Variants in LRRC4C observed in about 807,000 individuals in gnomAD.
LRRC4C encodes the protein leucine rich repeat containing 4C.
LRRC4C carries 5 observed loss-of-function variants against 33.6 expected under a neutral mutation model. That is an observed-to-expected ratio of 0.15 (90% CI 0.08 to 0.31). The LOEUF is 0.31. Ranked by LOEUF, LRRC4C falls within the 10% of genes least tolerant of loss-of-function variation. The pLI, the probability that LRRC4C is intolerant of heterozygous loss-of-function variation, is 1.00. For synonymous variants in LRRC4C, 329 were observed against 302.0 expected, an observed-to-expected ratio of 1.09 and a Z score of -0.93; for missense variants, 560 against 796.7, an observed-to-expected ratio of 0.70 and a Z score of 3.58.
chr11:40,717,955 T>A (rs1946818155), intron 2 of LRRC4C, among the ~76,000 whole-genome samples: 1 of 152,214 alleles, frequency 6.6e-6, no homozygotes. Context: ...GGAACAGATA[T>A]TAAGATTTAA....
intron 2 of LRRC4C, among the ~76,000 whole-genome samples, chr11:40,800,188 G>A (rs1301822816): frequency 1.3e-5 from 2 of 152,004 alleles, no homozygotes; most frequent in Non-Finnish European, 2.9e-5. Flanking sequence ...GATTGTGAGG[G>A]TGTCTTCACC....
intron 1 of LRRC4C, among the ~76,000 whole-genome samples, chr11:41,272,280 C>T (rs1949345840): frequency 6.6e-6 from 1 of 152,024 alleles, no homozygotes; most frequent in African/African-American, 2.4e-5. Flanking sequence ...AGGATCCAGC[C>T]AGTTTGCTCA....
chr11:40,806,153 A>G (rs1255288831), intron 2 of LRRC4C, among the ~76,000 whole-genome samples: 1 of 152,164 alleles, frequency 6.6e-6, no homozygotes, highest in Non-Finnish European at 1.5e-5. Context: ...GTGACAAACC[A>G]CCTCAAAATT....
intron 4 of LRRC4C, among the ~76,000 whole-genome samples, chr11:40,312,885 C>G (rs1287721705): frequency 6.6e-6 from 1 of 151,094 alleles, no homozygotes; most frequent in Non-Finnish European, 1.5e-5. Context: ...TCAAGCTCTC[C>G]CAAGCAACAT....
At chr11:40,979,802 T>C (rs1030775845) in intron 1 of LRRC4C, among the ~76,000 whole-genome samples, 1 of 152,186 alleles carries the variant, frequency 6.6e-6, no homozygotes, top group Non-Finnish European at 1.5e-5. Context: ...TACAATGAGA[T>C]TTTCAAATAT....
At chr11:40,944,499 C>G (rs527692294) in intron 1 of LRRC4C, among the ~76,000 whole-genome samples, 1 of 152,120 alleles carries the variant, frequency 6.6e-6, no homozygotes, top group Admixed American at 6.6e-5. Context: ...ACTGAAATAA[C>G]GTGAAGTTTG....
intron 3 of LRRC4C, among the ~76,000 whole-genome samples, chr11:40,500,283 TATATATATATACACAC>T (rs1565450021): frequency 1.5e-5 from 1 of 66,250 alleles, no homozygotes; most frequent in Non-Finnish European, 2.9e-5. Flanking sequence ...TATATATATA[TATATATATATACACAC>T]ACACACACAC....
At chr11:40,523,890 G>A (rs1955929971) in intron 3 of LRRC4C, among the ~76,000 whole-genome samples, 1 of 152,090 alleles carries the variant, frequency 6.6e-6, no homozygotes, top group Admixed American at 6.6e-5. Flanking sequence ...CAGACTTTAG[G>A]AATCAAAATC....
rs555079140 is a variant in LRRC4C, at chr11:40,990,969, TTA to T, written c.-495-57248_-495-57247del. On this transcript the variant is annotated intron_variant, in intron 1 of 6. Coordinates refer to ENST00000528697, the MANE Select transcript of LRRC4C (RefSeq NM_001258419.2). The stretch of plus-strand genomic sequence containing the variant: ...TGTCAGATGGACTAGTTCCTGTTTT[TTA>T]TGGAATACAATTTTTACTTTGATGA... Among the ~76,000 whole-genome samples, 430 of 152,138 alleles carry T rather than the reference TTA, an allele frequency of 2.8e-3. 1 individual carries two copies. The highest frequency in any genetic ancestry group is 9.8e-3 in the African/African-American group (408 of 41,520).
intron 1 of LRRC4C, among the ~76,000 whole-genome samples, chr11:40,948,489 G>T (rs1297926374): frequency 1.4e-5 from 2 of 147,346 alleles, no homozygotes; most frequent in Admixed American, 6.8e-5. Flanking sequence ...CTAGCATTAG[G>T]TATATCTCCC....
chr11:41,410,435 G>A (rs1954425284), intron 1 of LRRC4C, among the ~76,000 whole-genome samples: 1 of 139,926 alleles, frequency 7.1e-6, no homozygotes, highest in South Asian at 2.2e-4. Context: ...TTTTCGAGAC[G>A]TTGTTTCGCT....
At chr11:40,304,582 C>T (rs796334858) in intron 4 of LRRC4C, among the ~76,000 whole-genome samples, 38 of 152,272 alleles carry the variant, frequency 2.5e-4, no homozygotes, top group African/African-American at 8.9e-4. Context: ...ACCTCAGAAG[C>T]TACCCTTTTA....
intron 1 of LRRC4C, among the ~76,000 whole-genome samples, chr11:41,451,137 T>G (rs761375466): frequency 3.9e-5 from 6 of 152,282 alleles, no homozygotes; most frequent in South Asian, 2.1e-4. Context: ...GTGAGTCTAG[T>G]AGGTGTTTAA....
At chr11:41,333,777 A>T (rs1469348386) in intron 1 of LRRC4C, among the ~76,000 whole-genome samples, 8 of 152,214 alleles carry the variant, frequency 5.3e-5, no homozygotes, top group Admixed American at 5.2e-4. Flanking sequence ...TTATTTTTAC[A>T]CATCATCATT....
chr11:40,930,520 G>A (rs1397028574), intron 2 of LRRC4C, among the ~76,000 whole-genome samples: 1 of 152,118 alleles, frequency 6.6e-6, no homozygotes, highest in African/African-American at 2.4e-5. Flanking sequence ...TTCAAGGCTT[G>A]ACCCAATGTA....
intron 1 of LRRC4C, among the ~76,000 whole-genome samples, chr11:41,219,268 A>G (rs1947199679): frequency 6.6e-6 from 1 of 152,166 alleles, no homozygotes; most frequent in Admixed American, 6.5e-5. Flanking sequence ...GGATGAGAAA[A>G]GAGAGTTGCT....
chr11:41,257,099 T>C (rs4756640), intron 1 of LRRC4C, among the ~76,000 whole-genome samples: 94,729 of 151,724 alleles, frequency 0.62, 30,501 homozygotes, highest in African/African-American at 0.78. Flanking sequence ...GTGTTCAGGG[T>C]TTGTTCTTGT....
intron 6 of LRRC4C, among the ~76,000 whole-genome samples, chr11:40,130,606 A>G (rs1052374118): frequency 6.6e-6 from 1 of 152,180 alleles, no homozygotes; most frequent in African/African-American, 2.4e-5. Flanking sequence ...ACTAGATGCC[A>G]GTAGCAACCT....
intron 5 of LRRC4C, among the ~76,000 whole-genome samples, chr11:40,157,965 CAT>C (rs1454924923): frequency 6.6e-6 from 1 of 152,146 alleles, no homozygotes; most frequent in African/African-American, 2.4e-5. Flanking sequence ...CTTGCACACA[CAT>C]GTTTACAGCA....
Sources: gnomAD v4.1 joint callset for allele counts (sites outside exome capture counted in the v4.1 genomes callset) on GRCh38, gnomAD v4.1.1 for gene constraint, MANE v1.5 for transcripts, NCBI Gene and HGNC (gene_info 2026-07-23, HGNC 2026-07-21) for gene names.